Variants in POU2F2 observed in about 807,000 individuals in gnomAD.
POU2F2 encodes the protein POU domain, class 2, transcription factor 2.
POU2F2 carries 14 observed loss-of-function variants against 63.5 expected under a neutral mutation model. The ratio of observed to expected loss-of-function variants is 0.22; its 90% CI spans 0.15 to 0.34. The LOEUF is 0.34. Ranked by LOEUF, POU2F2 falls within the 10% of genes least tolerant of loss-of-function variation. The probability of loss-of-function intolerance (pLI) is 1.00; values close to 1 mark genes in which losing one functional copy is unlikely to be tolerated. For synonymous variants in POU2F2, 306 were observed against 348.6 expected, an observed-to-expected ratio of 0.88 and a Z score of 1.36; for missense variants, 607 against 815.2, an observed-to-expected ratio of 0.74 and a Z score of 3.11.
chr19:42,185,172 C>A (rs558275974), intron 1 of POU2F2, among the ~76,000 whole-genome samples: 10 of 152,222 alleles, frequency 6.6e-5, no homozygotes, highest in Non-Finnish European at 1.3e-4. Flanking sequence ...CTTTTTCTTA[C>A]AAAATGGGAA....
At chr19:42,109,112 A>C (rs1600057174) in intron 5 of POU2F2, among the ~76,000 whole-genome samples, 1 of 152,216 alleles carries the variant, frequency 6.6e-6, no homozygotes, top group African/African-American at 2.4e-5. Context: ...CCACTTTCCT[A>C]CCAGGGCTCA....
intron 2 of POU2F2, among the ~76,000 whole-genome samples, chr19:42,154,079 C>T (rs924969696): frequency 2.6e-5 from 4 of 151,604 alleles, no homozygotes; most frequent in Admixed American, 6.6e-5. Flanking sequence ...CCCTCCCAAC[C>T]CCCCCAGCGC....
At chr19:42,136,402 C>T (rs1257775048), upstream of POU2F2, among the ~76,000 whole-genome samples, 3 of 151,600 alleles carry the variant, frequency 2.0e-5, no homozygotes, top group Non-Finnish European at 4.4e-5. Flanking sequence ...CCAGGCTGGT[C>T]TCAGAACTCC....
intron 1 of POU2F2, among the ~76,000 whole-genome samples, chr19:42,187,729 T>A (rs2035028040): frequency 7.2e-6 from 1 of 139,228 alleles, no homozygotes; most frequent in Non-Finnish European, 1.5e-5. Context: ...GCCACTGCAT[T>A]CCGGTCTGAC....
At position 42,155,238 on chromosome 19, in the gene POU2F2, G is replaced by A. The variant is rs529230326; in HGVS notation, c.-9+5094C>T. ...TCATGCGCTCAGCTCGCATGCACGCGCCCTCTCTTTCTCTCTGTTCCTTTC... is the reference window on the plus strand; with the variant it reads ...TCATGCGCTCAGCTCGCATGCACGCACCCTCTCTTTCTCTCTGTTCCTTTC... On this transcript the variant is annotated intron_variant, in intron 2 of 6. Transcript: ENST00000524801. The surrounding 1 kb of genome is among the most constrained non-coding windows in gnomAD (Gnocchi z 4.2). Among the ~76,000 whole-genome samples the A allele has an allele frequency of 3.3e-5, 5 of 152,290 alleles. No homozygotes were observed. The highest frequency in any genetic ancestry group is 4.8e-5 in the African/African-American group (2 of 41,554).
rs775649053 is a variant in POU2F2, at chr19:42,162,091, CG to C, written c.-69-1700del. ...GGTGGGCGAGGGAATCCCCAGGCCT[CG>C]GGGGGGCCAGAGTCAGACAGCGCCT... On this transcript the variant is annotated intron_variant, in intron 1 of 6. Coordinates refer to the POU2F2 transcript ENST00000524801. This position sits in a 1 kb window ranked among gnomAD's most constrained non-coding sequence, Gnocchi z 4.1. 1.1e-4 allele frequency among the ~76,000 whole-genome samples: 16 copies of C among 152,068 alleles called. No homozygotes were observed.
rs1430491402 is a variant in POU2F2, at chr19:42,090,009, C to A, written c.*1248G>T. On this transcript the variant is annotated 3_prime_UTR_variant, in exon 15 of 15. Transcript: ENST00000692977. The surrounding 1 kb of genome is among the most constrained non-coding windows in gnomAD (Gnocchi z 4.4). ...ACAGGCTGTGGCACTGTCCCCACCA[C>A]ATGGACCCTGATGGGGATGCCATCT... 1 of 152,472 alleles carries A rather than the reference C, an allele frequency of 6.6e-6. No individual in the cohort carries two copies. The highest frequency in any genetic ancestry group is 1.5e-5 in the Non-Finnish European group (1 of 68,062). The allele number at this position is 152,472 out of a possible 1,614,324, so 9.4% of individuals were successfully genotyped here.
chr19:42,148,862 G>C (rs939510039), intron 2 of POU2F2, among the ~76,000 whole-genome samples: 3 of 152,004 alleles, frequency 2.0e-5, no homozygotes, highest in Admixed American at 2.0e-4. Flanking sequence ...CTGCTCTGGG[G>C]AGCTGACAAT....
At chr19:42,160,581 G>C (rs929635265) in intron 1 of POU2F2, among the ~76,000 whole-genome samples, 8 of 152,152 alleles carry the variant, frequency 5.3e-5, no homozygotes, top group Non-Finnish European at 1.2e-4. Context: ...GTCACTTCTG[G>C]CCTCTGAGCC....
chr19:42,105,745 C>G (rs763441366), intron 5 of POU2F2, among the ~76,000 whole-genome samples: 4 of 152,144 alleles, frequency 2.6e-5, no homozygotes, highest in Non-Finnish European at 5.9e-5. Context: ...CCCATCCATC[C>G]AATCCATCTG....
At chr19:42,093,940 C>T (rs1661768576) in intron 11 of POU2F2, 45 bp from the exon 12 acceptor site, 1 of 1,559,514 alleles carries the variant, frequency 6.4e-7, no homozygotes. Flanking sequence ...TGTCTGCCAG[C>T]AGCCCCCGTG....
chr19:42,109,292 C>T (rs1471986718), intron 5 of POU2F2, among the ~76,000 whole-genome samples: 2 of 152,228 alleles, frequency 1.3e-5, no homozygotes, highest in African/African-American at 2.4e-5. Context: ...GAGGCCTCCA[C>T]ACAATCTCTG....
At chr19:42,197,665 C>G (rs1157703149), upstream of POU2F2, among the ~76,000 whole-genome samples, 1 of 152,198 alleles carries the variant, frequency 6.6e-6, no homozygotes, top group Non-Finnish European at 1.5e-5. Flanking sequence ...GCCACAACCT[C>G]AGCTGGAGCC....
At chr19:42,178,709 T>C (rs1375086776), upstream of POU2F2, among the ~76,000 whole-genome samples, 2 of 151,630 alleles carry the variant, frequency 1.3e-5, no homozygotes, top group East Asian at 3.9e-4. Flanking sequence ...CAAGAAGGTG[T>C]AGACAGAAAC....
chr19:42,127,407 T>A (rs1156713508), intron 1 of POU2F2, among the ~76,000 whole-genome samples: 2 of 151,376 alleles, frequency 1.3e-5, no homozygotes, highest in Non-Finnish European at 2.9e-5. Flanking sequence ...TGAGATGGAG[T>A]CTTGCTGTGT....
At chr19:42,111,908 G>T (rs2031163548) in intron 5 of POU2F2, among the ~76,000 whole-genome samples, 1 of 152,212 alleles carries the variant, frequency 6.6e-6, no homozygotes, top group Non-Finnish European at 1.5e-5. Flanking sequence ...CCGTTCTCCA[G>T]TGTGGGTTCT....
chr19:42,086,408 C>T lies in POU2F2; in HGVS notation c.*4849G>A, dbSNP rs2146233867. Reference sequence around the variant, plus strand: ...CAGGGCTGATTTCTGGATGCCGGTTCCTGGGCACCCTTGCCTTGTACTTGC... The same window carrying T: ...CAGGGCTGATTTCTGGATGCCGGTTTCTGGGCACCCTTGCCTTGTACTTGC... On this transcript the variant is annotated 3_prime_UTR_variant, in exon 15 of 15. Coordinates refer to ENST00000692977, the MANE Select transcript of POU2F2 (RefSeq NM_001394376.1). The T allele has an allele frequency of 6.6e-6, 1 of 152,258 alleles. No individual in the cohort carries two copies. The highest frequency in any genetic ancestry group is 1.9e-4 in the East Asian group (1 of 5,170). The allele number at this position is 152,258 out of a possible 1,614,324, so 9.4% of individuals were successfully genotyped here. A position where few individuals can be genotyped will look rare whatever the true frequency, so the allele number is the denominator to read the frequency against.
chr19:42,164,067 G>A (rs2034602650), intron 1 of POU2F2, among the ~76,000 whole-genome samples: 1 of 152,102 alleles, frequency 6.6e-6, no homozygotes, highest in Non-Finnish European at 1.5e-5. Context: ...AAATAAATTT[G>A]GAACAGAAAT....
chr19:42,150,761 A>AG (rs1273060755), intron 2 of POU2F2, among the ~76,000 whole-genome samples: 1 of 150,658 alleles, frequency 6.6e-6, no homozygotes, highest in African/African-American at 2.4e-5. Context: ...TTATTCTTTT[A>AG]ATTTTTTTTA....
Sources: allele counts gnomAD v4.1 joint callset (sites outside exome capture counted in the v4.1 genomes callset), GRCh38; gene constraint gnomAD v4.1.1; non-coding constraint Gnocchi (gnomAD v3.1); transcripts MANE v1.5; gene names NCBI Gene and HGNC (gene_info 2026-07-23, HGNC 2026-07-21).